Variants in ZNF254 observed in about 807,000 individuals in gnomAD.
The protein encoded by ZNF254 is zinc finger protein 254, also known as CTD-2017D11.1.
Under a neutral mutation model 12.4 loss-of-function variants are expected in ZNF254, and 10 were observed. The observed-to-expected ratio is 0.80, with a 90% CI of 0.50 to 1.36. The LOEUF (loss-of-function observed/expected upper bound fraction) is 1.36. Ranked by LOEUF, ZNF254 falls within the 40% of genes most tolerant of loss-of-function variation. The pLI is 0.00. For synonymous variants in ZNF254, 305 were observed against 253.4 expected, an observed-to-expected ratio of 1.20 and a Z score of -1.93; for missense variants, 996 against 763.9, an observed-to-expected ratio of 1.30 and a Z score of -3.58.
chr19:24,058,671 G>T (rs982747914), intron 2 of ZNF254, among the ~76,000 whole-genome samples: 1 of 152,072 alleles, frequency 6.6e-6, no homozygotes, highest in Non-Finnish European at 1.5e-5. Flanking sequence ...GCCTCCCAAA[G>T]TGCTGGGATT....
At chr19:24,116,363 A>T (rs907658226) in intron 3 of ZNF254, among the ~76,000 whole-genome samples, 2 of 152,086 alleles carry the variant, frequency 1.3e-5, no homozygotes, top group African/African-American at 4.8e-5. Context: ...CTTTTCACAT[A>T]GTCCCATATT....
chr19:24,099,626 G>A (rs1014094707), intron 1 of ZNF254, among the ~76,000 whole-genome samples: 3 of 152,156 alleles, frequency 2.0e-5, no homozygotes, highest in Non-Finnish European at 4.4e-5. Flanking sequence ...ATGAAGATGT[G>A]AAAAGCTTAT....
intron 3 of ZNF254, chr19:24,106,893 A>C (rs973300858): frequency 2.4e-6 from 1 of 422,972 alleles, no homozygotes. Context: ...TGTTCATGGC[A>C]TACAAAAGAG....
chr19:24,113,844 A>G (rs1973862046), intron 3 of ZNF254, among the ~76,000 whole-genome samples: 1 of 152,210 alleles, frequency 6.6e-6, no homozygotes, highest in Non-Finnish European at 1.5e-5. Context: ...ATGTCTCAGG[A>G]TACAAAATCA....
intron 1 of ZNF254, among the ~76,000 whole-genome samples, chr19:24,042,320 C>A (rs898041196): frequency 6.6e-6 from 1 of 152,192 alleles, no homozygotes; most frequent in African/African-American, 2.4e-5. Flanking sequence ...CTCGGCTCTA[C>A]CAATCTGCAG....
chr19:24,077,497 A>G (rs552686135), intron 2 of ZNF254, among the ~76,000 whole-genome samples: 2 of 152,310 alleles, frequency 1.3e-5, no homozygotes, highest in East Asian at 1.9e-4. Context: ...CTTGATAGCA[A>G]TTGTTTCACT....
chr19:24,112,332 A>G (rs1246762758), intron 3 of ZNF254, among the ~76,000 whole-genome samples: 2 of 139,882 alleles, frequency 1.4e-5, no homozygotes, highest in East Asian at 2.0e-4. Context: ...TACCAGTACC[A>G]TGCTGTTTTG....
intron 2 of ZNF254, among the ~76,000 whole-genome samples, chr19:24,062,742 G>T (rs1971122282): frequency 6.6e-6 from 1 of 152,158 alleles, no homozygotes; most frequent in Admixed American, 6.6e-5. Flanking sequence ...CCACAGTTGG[G>T]TTAGTGACTC....
intron 2 of ZNF254, among the ~76,000 whole-genome samples, chr19:24,054,926 C>T (rs115579006): frequency 6.6e-6 from 1 of 152,000 alleles, no homozygotes; most frequent in South Asian, 2.1e-4. Flanking sequence ...GTGTACTAAC[C>T]AGGCGCAGTG....
At position 24,126,865 on chromosome 19, in the gene ZNF254, A is replaced by C; in HGVS notation, c.865A>C (p.Thr289Pro). The change falls in exon 4 of 4, where the codon ACT becomes CCT. Residue 289 changes from threonine (T) to proline (P), a missense_variant. Thr to Pro is a conservative substitution (Grantham distance 38, BLOSUM62 -1). Transcript: ENST00000357002. ...SNLTTHKIIH[T>P]GEKPYKCEEC... ...TCTTACTACACATAAGATAATTCATACTGGAGAGAAACCTTACAAGTGTGA... is the reference window on the plus strand; with the variant it reads ...TCTTACTACACATAAGATAATTCATCCTGGAGAGAAACCTTACAAGTGTGA... 1 of 1,613,510 alleles carries C rather than the reference A, an allele frequency of 6.2e-7. No homozygotes were observed.
intron 1 of ZNF254, among the ~76,000 whole-genome samples, chr19:24,097,601 G>A (rs1219566513): frequency 6.6e-6 from 1 of 151,854 alleles, no homozygotes; most frequent in East Asian, 1.9e-4. Context: ...GACCAACATG[G>A]AGAAACCCCA....
intron 2 of ZNF254, among the ~76,000 whole-genome samples, chr19:24,071,711 C>T (rs1971487523): frequency 6.6e-6 from 1 of 152,142 alleles, no homozygotes; most frequent in African/African-American, 2.4e-5. Context: ...TACATCTCTT[C>T]TAATGCTTGG....
intron 1 of ZNF254, among the ~76,000 whole-genome samples, chr19:24,088,741 C>T (rs994984230): frequency 6.6e-6 from 1 of 152,006 alleles, no homozygotes; most frequent in Non-Finnish European, 1.5e-5. Flanking sequence ...ACTGCAACCT[C>T]TGCCTTATGG....
At chr19:24,109,725 T>C (rs1161724543) in intron 3 of ZNF254, among the ~76,000 whole-genome samples, 1 of 151,152 alleles carries the variant, frequency 6.6e-6, no homozygotes, top group Non-Finnish European at 1.5e-5. Context: ...CTTTTCTTTT[T>C]TTTTTTTTTG....
intron 3 of ZNF254, among the ~76,000 whole-genome samples, chr19:24,107,815 G>C (rs867727107): frequency 6.6e-6 from 1 of 152,160 alleles, no homozygotes; most frequent in African/African-American, 2.4e-5. Flanking sequence ...ATGTGTTTTT[G>C]TTGGGCCCCC....
intron 3 of ZNF254, among the ~76,000 whole-genome samples, chr19:24,116,094 G>A (rs866156526): frequency 3.3e-5 from 5 of 152,108 alleles, no homozygotes; most frequent in African/African-American, 9.7e-5. Context: ...TCCCTTTGTG[G>A]GTAGTCCGAC....
Position 24,126,737 on chromosome 19 carries a change from C to G in ZNF254, c.737C>G (p.Ser246Cys). 2 of 1,613,130 alleles carry G rather than the reference C, an allele frequency of 1.2e-6. No individual in the cohort carries two copies. Among genetic ancestry groups the G allele is most frequent in the Non-Finnish European group, 1.7e-6 (2 of 1,179,588 alleles). The stretch of plus-strand genomic sequence containing the variant: ...TACAAATGTGAAGAATATAACAAAT[C>G]TCCTAAGCAACTCTCAACCCTTACT... The part of the protein sequence containing the change: ...KPYKCEEYNK[S>C]PKQLSTLTTH... The change falls in exon 4 of 4, where the codon TCT becomes TGT. Residue 246 changes from serine to cysteine, a missense_variant. By Grantham distance (112) the Ser-to-Cys change is moderately radical. Transcript: ENST00000357002.
intron 3 of ZNF254, among the ~76,000 whole-genome samples, chr19:24,111,681 A>G (rs1973691993): frequency 6.6e-6 from 1 of 152,108 alleles, no homozygotes; most frequent in Non-Finnish European, 1.5e-5. Flanking sequence ...TGTGGTTTTG[A>G]TTTGCATTTC....
At chr19:24,109,895 A>G (rs1016441685) in intron 3 of ZNF254, among the ~76,000 whole-genome samples, 3 of 124,654 alleles carry the variant, frequency 2.4e-5, no homozygotes, top group African/African-American at 2.9e-5. Context: ...CTAATTTTGT[A>G]TTTTTTTTTT....
Sources: gnomAD v4.1 joint callset for allele counts (sites outside exome capture counted in the v4.1 genomes callset) on GRCh38, gnomAD v4.1.1 for gene constraint, MANE v1.5 for transcripts, NCBI Gene and HGNC (gene_info 2026-07-23, HGNC 2026-07-21) for gene names.